Variants in CTDP1 observed in about 807,000 individuals in gnomAD.
The protein encoded by CTDP1 is RNA polymerase II subunit A C-terminal domain phosphatase.
CTDP1 carries 47 observed loss-of-function variants against 91.8 expected under a neutral mutation model. The observed-to-expected ratio is 0.51, with a 90% CI of 0.41 to 0.65. CTDP1 has a LOEUF of 0.65. Among genes scored for constraint, CTDP1 ranks in the 30% least tolerant of loss-of-function variants. CTDP1 has a pLI of 0.00. For missense variants in CTDP1, 1,272 were observed against 1,373.7 expected (o/e 0.93, Z 1.17); for synonymous variants, 656 against 598.5 (o/e 1.10, Z -1.40).
At chr18:79,705,609 A>C (rs2085952075) in intron 5 of CTDP1, among the ~76,000 whole-genome samples, 1 of 151,480 alleles carries the variant, frequency 6.6e-6, no homozygotes, top group African/African-American at 2.4e-5. Flanking sequence ...CGTCTGTCCC[A>C]CGTGGACAAA....
intron 11 of CTDP1, among the ~76,000 whole-genome samples, chr18:79,733,078 CTG>C (rs1364972771): frequency 6.6e-6 from 1 of 152,220 alleles, no homozygotes; most frequent in Non-Finnish European, 1.5e-5. Flanking sequence ...TGCCTGGTGA[CTG>C]TGTGTGAATA....
At chr18:79,751,752 T>G (rs988080213) in intron 12 of CTDP1, among the ~76,000 whole-genome samples, 1 of 152,128 alleles carries the variant, frequency 6.6e-6, no homozygotes, top group African/African-American at 2.4e-5. Flanking sequence ...GAGCCTCGAG[T>G]GCATGTGTGT....
intron 5 of CTDP1, among the ~76,000 whole-genome samples, chr18:79,706,783 G>A (rs550524063): frequency 2.4e-4 from 37 of 152,336 alleles, no homozygotes; most frequent in Middle Eastern, 3.4e-3. Context: ...TGACCCCCAG[G>A]ACTGTGAGGA....
At chr18:79,735,401 C>A (rs1325264193) in intron 11 of CTDP1, among the ~76,000 whole-genome samples, 1 of 152,234 alleles carries the variant, frequency 6.6e-6, no homozygotes, top group Non-Finnish European at 1.5e-5. Context: ...CCCTCAACGT[C>A]GGAGAGCTGT....
At chr18:79,740,244 G>A (rs1198046588) in intron 12 of CTDP1, among the ~76,000 whole-genome samples, 3 of 152,204 alleles carry the variant, frequency 2.0e-5, no homozygotes, top group East Asian at 1.9e-4. Flanking sequence ...CACGCCTGCC[G>A]TTTGCGGATC....
At chr18:79,690,498 C>T (rs2085598246) in intron 1 of CTDP1, among the ~76,000 whole-genome samples, 1 of 152,234 alleles carries the variant, frequency 6.6e-6, no homozygotes, top group Non-Finnish European at 1.5e-5. Flanking sequence ...CAACGTGTCA[C>T]ACCCCTTTTT....
chr18:79,708,494 G>T (rs1282081508), intron 5 of CTDP1, among the ~76,000 whole-genome samples: 4 of 152,222 alleles, frequency 2.6e-5, no homozygotes, highest in African/African-American at 7.2e-5. Context: ...GCCACGTGGG[G>T]ACGTGGAGCC....
Position 79,714,993 on chromosome 18 carries a change from G to A in CTDP1, c.1533G>A (p.Pro511=), listed in dbSNP as rs372918349. The part of the protein sequence containing the change: ...SSLEPGRPAA[P]SLPGEAEPGA... ...TGGAGCCGGGGCGGCCTGCAGCACC[G>A]AGTCTCCCCGGAGAGGCCGAGCCTG... Residue 511 remains proline, a synonymous_variant, in exon 8 of 13, where the codon CCG becomes CCA. Transcript: ENST00000613122. 36 of 1,581,134 alleles carry A rather than the reference G, an allele frequency of 2.3e-5. No homozygotes were observed. The highest frequency in any genetic ancestry group is 2.0e-4 in the African/African-American group (15 of 74,586).
chr18:79,750,341 A>T (rs1274924741), intron 12 of CTDP1, among the ~76,000 whole-genome samples: 1 of 151,886 alleles, frequency 6.6e-6, no homozygotes, highest in East Asian at 1.9e-4. Context: ...ATGCACCGAC[A>T]CTCCCAGCTA....
At chr18:79,755,247 T>A (rs528692331), downstream of CTDP1, 1 of 152,152 alleles carries the variant, frequency 6.6e-6, no homozygotes, top group Admixed American at 6.5e-5. Context: ...ACTAACTAGG[T>A]TATTTGCAGC....
chr18:79,698,443 G>A (rs553073053), intron 4 of CTDP1, among the ~76,000 whole-genome samples: 1 of 152,320 alleles, frequency 6.6e-6, no homozygotes, highest in East Asian at 1.9e-4. Context: ...GAAAAGCCTG[G>A]GTGGGAGGTG....
intron 11 of CTDP1, among the ~76,000 whole-genome samples, chr18:79,735,431 G>T (rs2086647798): frequency 6.6e-6 from 1 of 152,248 alleles, no homozygotes; most frequent in Non-Finnish European, 1.5e-5. Flanking sequence ...CGTGCTCTTG[G>T]GATGGGAGCC....
intron 10 of CTDP1, among the ~76,000 whole-genome samples, chr18:79,725,850 C>T (rs1406406088): frequency 2.0e-5 from 3 of 152,176 alleles, no homozygotes; most frequent in South Asian, 2.1e-4. Context: ...CATCCGGCTT[C>T]CTTCTGGGCT....
In CTDP1 at chr18:79,753,711, G is replaced by A. The variant is rs774607712; in HGVS notation, c.2807G>A (p.Ser936Asn). The part of the protein sequence containing the change: ...DAASESSRES[S>N]NEDEGSSSEA... ...GCCAGCGAGTCCAGCAGGGAGTCCAGCAACGAGGATGAGGGCAGCAGCTCC... is the reference window on the plus strand; with the variant it reads ...GCCAGCGAGTCCAGCAGGGAGTCCAACAACGAGGATGAGGGCAGCAGCTCC... The change falls in exon 13 of 13, where the codon AGC (serine) becomes AAC (asparagine). Residue 936 changes from serine to asparagine, a missense_variant. Ser to Asn is a conservative substitution (Grantham distance 46). Coordinates refer to ENST00000613122, the MANE Select transcript of CTDP1 (RefSeq NM_004715.5). The A allele has an allele frequency of 1.9e-6, 3 of 1,614,120 alleles. No individual in the cohort carries two copies. In the Admixed American group the frequency reaches 5.0e-5, roughly 27 times the overall value.
intron 12 of CTDP1, 93 bp from the exon 13 acceptor site, chr18:79,753,559 A>G: frequency 1.3e-6 from 2 of 1,598,588 alleles, no homozygotes; most frequent in Non-Finnish European, 1.7e-6. Context: ...TTGTGTTAAA[A>G]CCACGGAAGC....
downstream of CTDP1, chr18:79,755,843 G>A (rs1161344793): frequency 6.5e-6 from 1 of 152,834 alleles, no homozygotes; most frequent in African/African-American, 2.4e-5. Context: ...GGGTGAAGAG[G>A]ACGGGAGGAG....
Position 79,753,508 on chromosome 18 carries a change from C to T in CTDP1, c.2748-144C>T, listed in dbSNP as rs145176067. 6.6e-3 allele frequency: 8,373 copies of T among 1,274,940 alleles called. 59 individuals are homozygous for T. The highest frequency in any genetic ancestry group is 0.015 in the South Asian group (1,172 of 78,246). The allele number at this position is 1,274,940 out of a possible 1,614,324, so 79.0% of individuals were successfully genotyped here. On this transcript the variant is annotated intron_variant, in intron 12 of 12. Transcript: ENST00000613122. ...ACACGTGTGTGACGTGGCCCTGGGT[C>T]GGTGGCCTGTGTGTGTCCTTGACCA...
At chr18:79,691,330 C>G (rs918599557) in intron 1 of CTDP1, among the ~76,000 whole-genome samples, 3 of 152,218 alleles carry the variant, frequency 2.0e-5, no homozygotes, top group Admixed American at 6.5e-5. Flanking sequence ...TACACTCGCT[C>G]TTAGACCTGT....
At chr18:79,697,606 A>G (rs1599217422) in intron 3 of CTDP1, among the ~76,000 whole-genome samples, 1 of 152,228 alleles carries the variant, frequency 6.6e-6, no homozygotes, top group Admixed American at 6.5e-5. Context: ...TATAGAAACA[A>G]CCAGTTTCCC....
Sources: allele counts gnomAD v4.1 joint callset (sites outside exome capture counted in the v4.1 genomes callset), GRCh38; gene constraint gnomAD v4.1.1; transcripts MANE v1.5; gene names NCBI Gene and HGNC (gene_info 2026-07-23, HGNC 2026-07-21).